The following PTPRD variants were observed in gnomAD, a reference collection of about 807,000 sequenced individuals.
The protein encoded by PTPRD is receptor-type tyrosine-protein phosphatase delta.
PTPRD carries 34 observed loss-of-function variants against 214.5 expected under a neutral mutation model. The observed-to-expected ratio is 0.16, with a 90% CI of 0.12 to 0.21. PTPRD has a LOEUF of 0.21. Among genes scored for constraint, PTPRD ranks in the 10% least tolerant of loss-of-function variants. The pLI, the probability that PTPRD is intolerant of heterozygous loss-of-function variation, is 1.00. For missense variants in PTPRD, 2,545 were observed against 2,398.7 expected (o/e 1.06, Z -1.27); for synonymous variants, 1,128 against 845.7 (o/e 1.33, Z -5.79).
At chr9:9,636,559 G>A (rs367710964) in intron 7 of PTPRD, among the ~76,000 whole-genome samples, 6 of 152,148 alleles carry the variant, frequency 3.9e-5, no homozygotes, top group African/African-American at 1.2e-4. Flanking sequence ...AGGGAATTCT[G>A]AGAATCTTAT....
intron 3 of PTPRD, among the ~76,000 whole-genome samples, chr9:10,155,762 A>C (rs529068648): frequency 1.3e-4 from 20 of 152,220 alleles, no homozygotes; most frequent in African/African-American, 4.6e-4. Flanking sequence ...ATTTGCCTAT[A>C]TTGAACCAAT....
rs1369425249 is a variant in PTPRD at position 8,373,820 on chromosome 9, GTATGTATGTATGTATGTA to G, written c.4661+2098_4661+2115del. On this transcript the variant is annotated intron_variant, in intron 39 of 45. Transcript: ENST00000381196. The stretch of plus-strand genomic sequence containing the variant: ...TTTTAAAAATTATGTATGTATGTAT[GTATGTATGTATGTATGTA>G]TGTATGTATGTGTATGTGTCTGTCT... 1.1e-3 allele frequency among the ~76,000 whole-genome samples: 109 copies of G among 98,956 alleles called. 1 individual carries two copies. Among genetic ancestry groups the G allele is most frequent in the Middle Eastern group, 9.7e-3 (2 of 206 alleles). The allele number at this position is 98,956 out of a possible 152,430, so 64.9% of individuals were successfully genotyped here. A position where few individuals can be genotyped will look rare whatever the true frequency, so the allele number is the denominator to read the frequency against.
chr9:9,266,327 A>T (rs1939643510), intron 9 of PTPRD, among the ~76,000 whole-genome samples: 1 of 151,356 alleles, frequency 6.6e-6, no homozygotes, highest in African/African-American at 2.4e-5. Flanking sequence ...TTGACACCCC[A>T]TTTTGAGCAA....
At chr9:9,409,194 T>G (rs577212599) in intron 8 of PTPRD, among the ~76,000 whole-genome samples, 2 of 152,132 alleles carry the variant, frequency 1.3e-5, no homozygotes, top group South Asian at 2.1e-4. Context: ...TCCTACAATA[T>G]TTTTATAAAG....
At chr9:9,784,079 A>T (rs899569768) in intron 5 of PTPRD, among the ~76,000 whole-genome samples, 2 of 152,178 alleles carry the variant, frequency 1.3e-5, no homozygotes, top group African/African-American at 4.8e-5. Context: ...ACAGATTTAC[A>T]GAAAGCTAAC....
chr9:9,999,500 T>A (rs532066760), intron 4 of PTPRD, among the ~76,000 whole-genome samples: 1 of 152,206 alleles, frequency 6.6e-6, no homozygotes, highest in Non-Finnish European at 1.5e-5. Context: ...AATTTAATTA[T>A]ACATGGGATT....
At chr9:8,396,989 A>G (rs955204059) in intron 36 of PTPRD, among the ~76,000 whole-genome samples, 1 of 152,172 alleles carries the variant, frequency 6.6e-6, no homozygotes, top group African/African-American at 2.4e-5. Flanking sequence ...CACAGTTGCA[A>G]ACGATTAACT....
chr9:8,429,747 A>T (rs1308678321), intron 35 of PTPRD, among the ~76,000 whole-genome samples: 1 of 152,212 alleles, frequency 6.6e-6, no homozygotes, highest in East Asian at 1.9e-4. Flanking sequence ...GAGACAGTCC[A>T]CATCCAGAGA....
intron 3 of PTPRD, among the ~76,000 whole-genome samples, chr9:10,176,686 C>T (rs2099250517): frequency 6.6e-6 from 1 of 151,906 alleles, no homozygotes; most frequent in Admixed American, 6.6e-5. Flanking sequence ...TAGGAGTAGC[C>T]TCCAGAGATC....
chr9:9,813,157 G>A (rs1047757817), intron 5 of PTPRD, among the ~76,000 whole-genome samples: 1 of 152,062 alleles, frequency 6.6e-6, no homozygotes, highest in Admixed American at 6.5e-5. Flanking sequence ...GAAGTCCTAA[G>A]AGGGAAGTTC....
chr9:8,964,439 C>T (rs80255735), intron 11 of PTPRD, among the ~76,000 whole-genome samples: 4,853 of 148,972 alleles, frequency 0.033, 144 homozygotes, highest in African/African-American at 0.069. Flanking sequence ...TTATTTAGAT[C>T]TTCTCTTTTT....
At chr9:9,877,561 G>C (rs116913220) in intron 5 of PTPRD, among the ~76,000 whole-genome samples, 3,576 of 152,258 alleles carry the variant, frequency 0.023, 58 homozygotes, top group Non-Finnish European at 0.035. Context: ...GGAGGAAGGA[G>C]AATGTTTTCT....
At chr9:10,169,618 C>A (rs2099187813) in intron 3 of PTPRD, among the ~76,000 whole-genome samples, 1 of 151,544 alleles carries the variant, frequency 6.6e-6, no homozygotes, top group Non-Finnish European at 1.5e-5. Flanking sequence ...CTGTAAAAAA[C>A]CCAATGTAGA....
chr9:10,208,820 TAA>T (rs1420620251), intron 3 of PTPRD, among the ~76,000 whole-genome samples: 2 of 152,056 alleles, frequency 1.3e-5, no homozygotes, highest in Non-Finnish European at 2.9e-5. Flanking sequence ...AGATGCTTAT[TAA>T]TTAAGTGTGG....
chr9:10,396,513 G>C (rs966822850), intron 2 of PTPRD, among the ~76,000 whole-genome samples: 2 of 151,818 alleles, frequency 1.3e-5, no homozygotes, highest in South Asian at 2.1e-4. Flanking sequence ...CTATTCTTCT[G>C]TCAATTCTTT....
chr9:9,714,161 A>G (rs1460418649), intron 7 of PTPRD, among the ~76,000 whole-genome samples: 1 of 151,946 alleles, frequency 6.6e-6, no homozygotes, highest in East Asian at 1.9e-4. Context: ...CTGTATTTAA[A>G]GCTGAAATGA....
At chr9:9,242,993 T>A (rs112237558) in intron 9 of PTPRD, among the ~76,000 whole-genome samples, 7 of 152,256 alleles carry the variant, frequency 4.6e-5, no homozygotes, top group African/African-American at 1.7e-4. Context: ...TGGTCTTTGA[T>A]GATGGTGACG....
chr9:8,810,766 C>T (rs1317562209), intron 11 of PTPRD, among the ~76,000 whole-genome samples: 1 of 152,140 alleles, frequency 6.6e-6, no homozygotes. Context: ...AGAACTAACT[C>T]TAATAATCAG....
At chr9:8,484,090 C>T (rs1297270141) in intron 30 of PTPRD, 29 bp downstream of exon 30, 1 of 1,598,034 alleles carries the variant, frequency 6.3e-7, no homozygotes, top group South Asian at 1.1e-5. Context: ...TAATTCTTTC[C>T]TTCAGCCCTA....
Sources: gnomAD v4.1 joint callset for allele counts (sites outside exome capture counted in the v4.1 genomes callset) on GRCh38, gnomAD v4.1.1 for gene constraint, MANE v1.5 for transcripts, NCBI Gene and HGNC (gene_info 2026-07-23, HGNC 2026-07-21) for gene names.